Variants in MAPKAP1 observed in about 807,000 individuals in gnomAD.
The protein encoded by MAPKAP1 is MAPK associated protein 1.
In MAPKAP1, 20 loss-of-function variants were observed where a neutral mutation model predicts 65.7. That is an observed-to-expected ratio of 0.30 (90% CI 0.21 to 0.44). The LOEUF (loss-of-function observed/expected upper bound fraction) is 0.44, where lower values mean the gene tolerates loss of function less well. Among genes scored for constraint, MAPKAP1 ranks in the 20% least tolerant of loss-of-function variants. The pLI is 1.00. For synonymous variants in MAPKAP1, 222 were observed against 244.3 expected (o/e 0.91, Z 0.85); for missense variants, 423 against 648.0 (o/e 0.65, Z 3.77).
At chr9:125,619,065 C>T (rs1442611506) in intron 4 of MAPKAP1, among the ~76,000 whole-genome samples, 1 of 152,086 alleles carries the variant, frequency 6.6e-6, no homozygotes, top group African/African-American at 2.4e-5. Context: ...CCCAGAAGGT[C>T]AAGGCTATAG....
chr9:125,704,866 CAATA>C (rs1835711337), intron 1 of MAPKAP1, among the ~76,000 whole-genome samples: 1 of 152,286 alleles, frequency 6.6e-6, no homozygotes, highest in Admixed American at 6.5e-5. Flanking sequence ...CCCATTAGTT[CAATA>C]AATATTCACA....
chr9:125,680,627 A>T (rs1218115470), intron 1 of MAPKAP1, among the ~76,000 whole-genome samples: 2 of 152,168 alleles, frequency 1.3e-5, no homozygotes, highest in Non-Finnish European at 2.9e-5. Flanking sequence ...CCATATTTTG[A>T]CTAAAAGTGC....
At chr9:125,670,143 T>C (rs895796274) in intron 2 of MAPKAP1, among the ~76,000 whole-genome samples, 8 of 152,166 alleles carry the variant, frequency 5.3e-5, no homozygotes, top group Non-Finnish European at 1.2e-4. Context: ...ATAAAGATAG[T>C]ATTAACATGG....
chr9:125,678,464 G>C (rs1364550978), intron 1 of MAPKAP1, among the ~76,000 whole-genome samples: 1 of 151,810 alleles, frequency 6.6e-6, no homozygotes, highest in African/African-American at 2.4e-5. Context: ...GGATGGCCTC[G>C]ATCTCCTGAC....
intron 7 of MAPKAP1, among the ~76,000 whole-genome samples, chr9:125,525,358 G>A (rs1247619346): frequency 1.3e-5 from 2 of 152,190 alleles, no homozygotes; most frequent in African/African-American, 4.8e-5. Context: ...AACAGGTTAA[G>A]AAACTTATCA....
At chr9:125,676,721 T>C (rs749229512) in intron 1 of MAPKAP1, among the ~76,000 whole-genome samples, 31 of 152,230 alleles carry the variant, frequency 2.0e-4, no homozygotes, top group Non-Finnish European at 2.4e-4. Flanking sequence ...TGAATGTATG[T>C]AATGCCAATG....
At position 125,439,483 on chromosome 9, in the gene MAPKAP1, C is replaced by A. The variant is rs1420531030; in HGVS notation, c.1444-471G>T. Among the ~76,000 whole-genome samples, 2 of 152,238 alleles carry A rather than the reference C, an allele frequency of 1.3e-5. No individual in the cohort carries two copies. Among genetic ancestry groups the A allele is most frequent in the Non-Finnish European group, 1.5e-5 (1 of 68,044 alleles). ...AGCCTCCCACCAGCCAGGCGCAGAG[C>A]TTCCCACCACAGTGCTTCCTTCAGG... On this transcript the variant is annotated intron_variant, in intron 11 of 11. Transcript: ENST00000265960. The surrounding 1 kb of genome is among the most constrained non-coding windows in gnomAD (Gnocchi z 4.0).
intron 7 of MAPKAP1, among the ~76,000 whole-genome samples, chr9:125,528,838 A>G (rs572270661): frequency 1.2e-4 from 13 of 110,124 alleles, no homozygotes; most frequent in Admixed American, 6.0e-4. Flanking sequence ...TAAGAGTGAG[A>G]CTCCGTCTCA....
chr9:125,542,846 A>C, intron 7 of MAPKAP1: 1 of 710,328 alleles, frequency 1.4e-6, no homozygotes, highest in Non-Finnish European at 2.6e-6. Flanking sequence ...AATTGATATG[A>C]ATACATTCTT....
chr9:125,510,084 T>C (rs1478564446), intron 7 of MAPKAP1, among the ~76,000 whole-genome samples: 1 of 152,158 alleles, frequency 6.6e-6, no homozygotes, highest in Non-Finnish European at 1.5e-5. Flanking sequence ...CCTTATTGAA[T>C]CCTCACAGTA....
intron 10 of MAPKAP1, 40 bp from the exon 11 acceptor site, chr9:125,444,638 T>A (rs1290287723): frequency 1.4e-6 from 2 of 1,456,280 alleles, no homozygotes; most frequent in African/African-American, 2.8e-5. Flanking sequence ...TTCTGGTGAG[T>A]TAACTATGGC....
chr9:125,678,252 TA>T (rs1271855114), intron 1 of MAPKAP1, among the ~76,000 whole-genome samples: 39 of 151,920 alleles, frequency 2.6e-4, no homozygotes, highest in African/African-American at 8.7e-4. Flanking sequence ...TATTTTTATT[TA>T]TTTTTTTTTG....
intron 3 of MAPKAP1, among the ~76,000 whole-genome samples, chr9:125,660,927 A>G (rs1834167371): frequency 6.6e-6 from 1 of 152,232 alleles, no homozygotes; most frequent in African/African-American, 2.4e-5. Context: ...ACCTGACCAC[A>G]TGAAAAGAAA....
At chr9:125,556,611 T>C (rs75627549) in intron 6 of MAPKAP1, among the ~76,000 whole-genome samples, 2 of 152,196 alleles carry the variant, frequency 1.3e-5, no homozygotes, top group Admixed American at 6.5e-5. Context: ...TGTTTCAGCT[T>C]AGTGTCTTCC....
intron 4 of MAPKAP1, among the ~76,000 whole-genome samples, chr9:125,619,567 A>C (rs138184687): frequency 6.6e-6 from 1 of 152,252 alleles, no homozygotes; most frequent in African/African-American, 2.4e-5. Flanking sequence ...CAAATGAAAA[A>C]CTACTACATA....
intron 1 of MAPKAP1, among the ~76,000 whole-genome samples, chr9:125,680,726 T>C (rs1834797280): frequency 6.6e-6 from 1 of 152,224 alleles, no homozygotes; most frequent in Non-Finnish European, 1.5e-5. Flanking sequence ...AAAAATTGTA[T>C]AAATACTGGC....
intron 7 of MAPKAP1, among the ~76,000 whole-genome samples, chr9:125,539,398 T>C (rs1213393467): frequency 6.6e-6 from 1 of 152,236 alleles, no homozygotes; most frequent in African/African-American, 2.4e-5. Context: ...TGTGGAAAAC[T>C]ATTCTGCTTA....
chr9:125,619,972 A>C (rs1832850611), intron 4 of MAPKAP1, among the ~76,000 whole-genome samples: 1 of 152,232 alleles, frequency 6.6e-6, no homozygotes, highest in South Asian at 2.1e-4. Flanking sequence ...TCTTAAATAA[A>C]AAGAAGCCCA....
intron 7 of MAPKAP1, among the ~76,000 whole-genome samples, chr9:125,513,962 C>G (rs1015299613): frequency 6.6e-6 from 1 of 152,182 alleles, no homozygotes; most frequent in Non-Finnish European, 1.5e-5. Context: ...TCAGGTCCTA[C>G]AAATATAGTC....
Sources: allele counts gnomAD v4.1 joint callset (sites outside exome capture counted in the v4.1 genomes callset), GRCh38; gene constraint gnomAD v4.1.1; non-coding constraint Gnocchi (gnomAD v3.1); transcripts MANE v1.5; gene names NCBI Gene and HGNC (gene_info 2026-07-23, HGNC 2026-07-21).